ABCB11: variants seen among roughly 807,000 people sequenced by gnomAD.
ABCB11 encodes ATP binding cassette subfamily B member 11, also known as bile salt export pump.
ABCB11 carries 95 observed loss-of-function variants against 148.0 expected under a neutral mutation model. The observed-to-expected ratio is 0.64, with a 90% confidence interval of 0.54 to 0.76. The LOEUF is 0.76. Ranked by LOEUF, ABCB11 falls within the 30% of genes least tolerant of loss-of-function variation. ABCB11 has a pLI of 0.00. For missense variants in ABCB11, 1,523 were observed against 1,617.8 expected, an observed-to-expected ratio of 0.94 and a Z score of 1.01; for synonymous variants, 591 against 555.4, an observed-to-expected ratio of 1.06 and a Z score of -0.90.
intron 10 of ABCB11, among the ~76,000 whole-genome samples, chr2:168,980,719 G>A (rs1694106295): frequency 6.6e-6 from 1 of 152,138 alleles, no homozygotes; most frequent in Non-Finnish European, 1.5e-5. Context: ...CTATATGCAG[G>A]TGGAGTGGTC....
intron 5 of ABCB11, among the ~76,000 whole-genome samples, chr2:169,002,054 T>G (rs1474074096): frequency 6.6e-6 from 1 of 152,072 alleles, no homozygotes; most frequent in Non-Finnish European, 1.5e-5. Context: ...ACAAACAGGT[T>G]GAAACAAAAA....
At chr2:169,002,912 T>A (rs1237775386) in intron 5 of ABCB11, among the ~76,000 whole-genome samples, 2 of 152,212 alleles carry the variant, frequency 1.3e-5, no homozygotes, top group East Asian at 1.9e-4. Flanking sequence ...AGTAGATTTT[T>A]ATTTTTTTTG....
chr2:168,978,516 G>C (rs1694013192), intron 11 of ABCB11, among the ~76,000 whole-genome samples: 1 of 152,060 alleles, frequency 6.6e-6, no homozygotes, highest in Non-Finnish European at 1.5e-5. Context: ...AACAGATAAA[G>C]CAATGAGTCA....
chr2:168,970,410 T>G (rs951691772), intron 14 of ABCB11, 195 bp from the exon 15 acceptor site: 2 of 1,418,828 alleles, frequency 1.4e-6, no homozygotes. Context: ...ATAAAGGAAT[T>G]GATTTATGCT....
At chr2:168,978,132 CTTTTTTTTT>C (rs35964117) in intron 11 of ABCB11, among the ~76,000 whole-genome samples, 222 of 53,128 alleles carry the variant, frequency 4.2e-3, no homozygotes, top group African/African-American at 0.018. Flanking sequence ...AATAAATTGA[CTTTTTTTTT>C]TTTTTTTTTT....
At chr2:168,995,745 C>A (rs190627703) in intron 6 of ABCB11, among the ~76,000 whole-genome samples, 32 of 151,890 alleles carry the variant, frequency 2.1e-4, no homozygotes, top group African/African-American at 7.5e-4. Context: ...CTGGACTTTA[C>A]CCTACAGAGC....
chr2:168,978,424 C>T (rs1694010017), intron 11 of ABCB11, among the ~76,000 whole-genome samples: 1 of 151,990 alleles, frequency 6.6e-6, no homozygotes, highest in Non-Finnish European at 1.5e-5. Flanking sequence ...GTGTGAGCCA[C>T]CATGCCTGGC....
chr2:169,029,288 A>T lies in ABCB11; in HGVS notation c.-28+1937T>A, dbSNP rs561685026. Among the ~76,000 whole-genome samples the T allele has an allele frequency of 3.6e-3, 533 of 147,646 alleles. 3 individuals carry two copies. Among genetic ancestry groups the T allele is most frequent in the Middle Eastern group, 6.8e-3 (2 of 292 alleles). ...TCTTTTCTTTCTTTTTTTTTTTTTTAAAGCCCTTAAAACGTCTTTCACTGC... is the reference window on the plus strand; with the variant it reads ...TCTTTTCTTTCTTTTTTTTTTTTTTTAAGCCCTTAAAACGTCTTTCACTGC... On this transcript the variant is annotated intron_variant, in intron 1 of 27. Transcript: ENST00000650372.
chr2:168,920,539 T>A (rs1421487461), downstream of ABCB11, among the ~76,000 whole-genome samples: 1 of 115,840 alleles, frequency 8.6e-6, no homozygotes, highest in African/African-American at 3.1e-5. Flanking sequence ...TATCTTCCAA[T>A]CCTTCTATTT....
intron 21 of ABCB11, among the ~76,000 whole-genome samples, chr2:168,936,649 C>T (rs1691842629): frequency 1.3e-5 from 2 of 152,278 alleles, no homozygotes; most frequent in South Asian, 4.1e-4. Flanking sequence ...TCATGTCCAA[C>T]AAAAACTCTG....
At chr2:169,006,764 G>A (rs920472875) in intron 5 of ABCB11, among the ~76,000 whole-genome samples, 2 of 151,934 alleles carry the variant, frequency 1.3e-5, no homozygotes, top group East Asian at 1.9e-4. Context: ...TAGTAGCAAT[G>A]GGCAAACTGA....
chr2:169,014,237 T>TTCTGG, intron 4 of ABCB11, 66 bp downstream of exon 4: 1 of 1,440,326 alleles, frequency 6.9e-7, no homozygotes. Flanking sequence ...GATTTAACAC[T>TTCTGG]CCCCTCATGA....
At position 168,979,865 on chromosome 2, in the gene ABCB11, C is replaced by T; in HGVS notation, c.1197+1G>A. 1 of 1,395,778 alleles carries T rather than the reference C, an allele frequency of 7.2e-7. No individual in the cohort carries two copies. The highest frequency in any genetic ancestry group is 1.4e-5 in the African/African-American group (1 of 69,160). 86.5% of individuals were successfully genotyped at this position (1,395,778 alleles called of 1,614,324 possible). ...GGCCTTTACTTTTGGCTTATACATACCCTGTCTATTGTCTCAAAAATGCTG... is the reference window on the plus strand; with the variant it reads ...GGCCTTTACTTTTGGCTTATACATATCCTGTCTATTGTCTCAAAAATGCTG... On this transcript the variant is annotated splice_donor_variant, in intron 11 of 27. Coordinates refer to ENST00000650372, the MANE Select transcript of ABCB11 (RefSeq NM_003742.4). LOFTEE classifies it high-confidence loss of function.
intron 3 of ABCB11, 104 bp from the exon 4 acceptor site, chr2:169,014,458 TC>T: frequency 8.9e-7 from 1 of 1,122,254 alleles, no homozygotes; most frequent in Middle Eastern, 2.0e-4. Context: ...AGAAAGAAAA[TC>T]CCCACTGGCT....
intron 26 of ABCB11, 34 bp downstream of exon 26, chr2:168,927,122 C>G (rs1368881275): frequency 6.4e-7 from 1 of 1,557,280 alleles, no homozygotes; most frequent in Non-Finnish European, 8.9e-7. Context: ...CCATCCTTGT[C>G]TCTCATAGGG....
At position 168,972,032 on chromosome 2, in the gene ABCB11, C is replaced by T. The variant is rs774287993; in HGVS notation, c.1453G>A (p.Asp485Asn). The change falls in exon 14 of 28, where the codon GAC (aspartate) becomes AAC (asparagine). Residue 485 changes from aspartate to asparagine, a missense_variant. Physicochemically the swap from Asp to Asn is conservative, Grantham distance 23. Coordinates refer to ENST00000650372, the MANE Select transcript of ABCB11 (RefSeq NM_003742.4). Reference protein sequence around the residue: ...CEGMVTVDGHDIRSLNIQWLR... With the variant: ...CEGMVTVDGHNIRSLNIQWLR... ...CACTGAATGTTAAGAGAGCGAATGT[C>T]ATGGCCATCCACGGTCACCTAGAGA... 18 of 1,612,498 alleles carry T rather than the reference C, an allele frequency of 1.1e-5. No individual in the cohort carries two copies. In the South Asian group the frequency reaches 1.9e-4, roughly 17 times the overall value.
Position 168,973,989 on chromosome 2 carries a change from C to T in ABCB11, c.1309-149G>A, listed in dbSNP as rs1693708908. The T allele has an allele frequency of 3.2e-5, 27 of 847,870 alleles. No individual in the cohort carries two copies. The South Asian group carries it at 5.3e-4, about 17-fold the overall frequency. The allele number at this position is 847,870 out of a possible 1,614,324, so 52.5% of individuals were successfully genotyped here. A position where few individuals can be genotyped will look rare whatever the true frequency, so the allele number is the denominator to read the frequency against. On this transcript the variant is annotated intron_variant, in intron 12 of 27. Transcript: ENST00000650372. Reference sequence around the variant, plus strand: ...CAAAGCAACGTCCACTGAAATCCATCAAAAACCAGTAAAAGGAAACATTGG... The same window carrying T: ...CAAAGCAACGTCCACTGAAATCCATTAAAAACCAGTAAAAGGAAACATTGG...
At chr2:169,001,542 G>GT (rs770465721) in intron 5 of ABCB11, among the ~76,000 whole-genome samples, 1 of 152,104 alleles carries the variant, frequency 6.6e-6, no homozygotes, top group Non-Finnish European at 1.5e-5. Context: ...CACCATGGGG[G>GT]TGAGTGAGGG....
At chr2:169,016,376 G>A (rs1320395782) in intron 3 of ABCB11, among the ~76,000 whole-genome samples, 2 of 152,138 alleles carry the variant, frequency 1.3e-5, no homozygotes. Flanking sequence ...GCTGATATGT[G>A]TTCTATATGA....
Sources: gnomAD v4.1 joint callset for allele counts (sites outside exome capture counted in the v4.1 genomes callset) on GRCh38, gnomAD v4.1.1 for gene constraint, MANE v1.5 for transcripts, NCBI Gene and HGNC (gene_info 2026-07-23, HGNC 2026-07-21) for gene names.